The following NAV2 variants were observed in gnomAD, a reference collection of about 807,000 sequenced individuals.
NAV2 encodes neuron navigator 2.
Under a neutral mutation model 223.2 loss-of-function variants are expected in NAV2, and 54 were observed. The observed-to-expected ratio is 0.24, with a 90% CI of 0.19 to 0.30. The LOEUF is 0.30. Ranked by LOEUF, NAV2 falls within the 10% of genes least tolerant of loss-of-function variation. The pLI is 1.00. For missense variants in NAV2, 2,806 were observed against 3,147.5 expected (o/e 0.89, Z 2.60); for synonymous variants, 1,279 against 1,239.3 (o/e 1.03, Z -0.67).
At chr11:20,041,534 GAAT>G (rs2056919108) in intron 12 of NAV2, among the ~76,000 whole-genome samples, 1 of 152,128 alleles carries the variant, frequency 6.6e-6, no homozygotes, top group African/African-American at 2.4e-5. Context: ...AACATTAAAA[GAAT>G]AAATAATGCA....
chr11:19,844,621 A>T (rs2060686137), intron 3 of NAV2, among the ~76,000 whole-genome samples: 1 of 152,158 alleles, frequency 6.6e-6, no homozygotes, highest in Non-Finnish European at 1.5e-5. Context: ...CATATTTTAG[A>T]TTTTAGATTT....
At chr11:19,391,496 A>G (rs781721755) in intron 1 of NAV2, among the ~76,000 whole-genome samples, 1 of 152,220 alleles carries the variant, frequency 6.6e-6, no homozygotes, top group African/African-American at 2.4e-5. Flanking sequence ...AACCTTATCA[A>G]TGACACTGAG....
chr11:19,425,441 T>C (rs1016753156), intron 1 of NAV2, among the ~76,000 whole-genome samples: 5 of 152,212 alleles, frequency 3.3e-5, no homozygotes, highest in African/African-American at 1.2e-4. Flanking sequence ...CCTGCTAGTC[T>C]CTCTTTCATT....
chr11:19,387,995 C>G (rs1849108473), intron 1 of NAV2, among the ~76,000 whole-genome samples: 1 of 152,194 alleles, frequency 6.6e-6, no homozygotes. Context: ...GTCCCAGGAT[C>G]TTCCCCAAGA....
intron 1 of NAV2, among the ~76,000 whole-genome samples, chr11:19,430,049 C>A (rs888626241): frequency 6.6e-6 from 1 of 152,206 alleles, no homozygotes. Context: ...CAGCTCAAAC[C>A]TGGTCTAGAG....
At chr11:19,761,470 A>G (rs1477760744) in intron 1 of NAV2, among the ~76,000 whole-genome samples, 1 of 152,226 alleles carries the variant, frequency 6.6e-6, no homozygotes, top group Non-Finnish European at 1.5e-5. Context: ...ACTCTGAGGC[A>G]GCAGCATGAA....
intron 3 of NAV2, among the ~76,000 whole-genome samples, chr11:19,847,851 T>C (rs967837952): frequency 2.0e-5 from 3 of 152,202 alleles, no homozygotes; most frequent in Admixed American, 1.3e-4. Context: ...TCCTGGCATA[T>C]AATCAGCACT....
chr11:19,771,564 C>T (rs903150931), intron 1 of NAV2, among the ~76,000 whole-genome samples: 3 of 151,836 alleles, frequency 2.0e-5, no homozygotes, highest in African/African-American at 7.3e-5. Flanking sequence ...CACTACTCTA[C>T]CCAGAAATTC....
chr11:19,389,416 T>C (rs1428111764), intron 1 of NAV2, among the ~76,000 whole-genome samples: 1 of 152,262 alleles, frequency 6.6e-6, no homozygotes, highest in African/African-American at 2.4e-5. Flanking sequence ...ACGTGTCTTA[T>C]ATTTCAGAGG....
At chr11:19,634,818 G>C (rs1207287421) in intron 1 of NAV2, among the ~76,000 whole-genome samples, 1 of 152,152 alleles carries the variant, frequency 6.6e-6, no homozygotes, top group East Asian at 1.9e-4. Flanking sequence ...AACAAGATAG[G>C]CTTCCCAGAA....
chr11:19,348,065 A>G (rs915671828), upstream of NAV2, among the ~76,000 whole-genome samples: 1 of 152,164 alleles, frequency 6.6e-6, no homozygotes, highest in African/African-American at 2.4e-5. Flanking sequence ...GGCTCACAGG[A>G]GGTGTTGAAC....
At chr11:19,682,936 G>A (rs1479899863) in intron 1 of NAV2, among the ~76,000 whole-genome samples, 1 of 152,190 alleles carries the variant, frequency 6.6e-6, no homozygotes, top group Non-Finnish European at 1.5e-5. Context: ...TGAAAACAGT[G>A]AGGTTCAGAG....
intron 1 of NAV2, among the ~76,000 whole-genome samples, chr11:19,551,999 C>G (rs927235060): frequency 2.0e-5 from 3 of 152,026 alleles, no homozygotes; most frequent in African/African-American, 4.8e-5. Context: ...CTTCTGAGGC[C>G]TGCAGGCTCC....
chr11:19,668,635 G>C (rs2048495148), intron 1 of NAV2, among the ~76,000 whole-genome samples: 1 of 151,434 alleles, frequency 6.6e-6, no homozygotes, highest in Non-Finnish European at 1.5e-5. Context: ...TCAATCCAGG[G>C]TGGGGCACAC....
Position 20,092,239 on chromosome 11 carries a change from C to T in NAV2, c.5686C>T (p.Arg1896Trp), listed in dbSNP as rs766270345. Reference protein sequence around the residue: ...EIEKLKAENDRLKSESQGSGC... With the variant: ...EIEKLKAENDWLKSESQGSGC... ...AGAGAAGCTGAAAGCTGAGAATGAT[C>T]GGCTGAAGTCAGAGTCTCAAGGCAG... Residue 1896 changes from arginine (R) to tryptophan (W), a missense_variant, in exon 28 of 38, where the codon CGG becomes TGG. This residue lies in a region of NAV2 where 824 missense variants were observed against 1,069.4 expected (regional missense o/e 0.77). Transcript: ENST00000349880. The T allele has an allele frequency of 1.4e-5, 22 of 1,614,202 alleles. No individual in the cohort carries two copies. The highest frequency in any genetic ancestry group is 8.9e-5 in the East Asian group (4 of 44,880).
At chr11:19,450,417 C>T (rs990235927) in intron 1 of NAV2, among the ~76,000 whole-genome samples, 1 of 152,178 alleles carries the variant, frequency 6.6e-6, no homozygotes, top group East Asian at 1.9e-4. Context: ...AGGAAAATGG[C>T]TAGGTCTATC....
intron 1 of NAV2, chr11:19,778,048 C>T (rs536053220): frequency 2.2e-4 from 98 of 449,712 alleles, no homozygotes; most frequent in Middle Eastern, 9.8e-4. Context: ...TTCAAGCTTG[C>T]AAAGAACCAT....
At chr11:19,832,706 T>C in intron 2 of NAV2, 105 bp downstream of exon 2, 1 of 845,564 alleles carries the variant, frequency 1.2e-6, no homozygotes, top group Admixed American at 1.9e-5. Context: ...GGCAGCTTTC[T>C]GTCTCATGTC....
intron 1 of NAV2, among the ~76,000 whole-genome samples, chr11:19,582,876 A>T (rs1424597162): frequency 6.6e-6 from 1 of 152,184 alleles, no homozygotes; most frequent in African/African-American, 2.4e-5. Context: ...TTTTGGTTCC[A>T]TATGAACTTT....
Sources: allele counts gnomAD v4.1 joint callset (sites outside exome capture counted in the v4.1 genomes callset), GRCh38; gene constraint gnomAD v4.1.1; regional missense constraint gnomAD v4.1.1; transcripts MANE v1.5; gene names NCBI Gene and HGNC (gene_info 2026-07-23, HGNC 2026-07-21).